ARHGAP22: variants seen among roughly 807,000 people sequenced by gnomAD.
The protein encoded by ARHGAP22 is Rho GTPase activating protein 22.
Under a neutral mutation model 59.1 loss-of-function variants are expected in ARHGAP22, and 48 were observed. The observed-to-expected ratio is 0.81, with a 90% CI of 0.64 to 1.03. ARHGAP22 has a LOEUF of 1.03. ARHGAP22 is among the 50% of genes least tolerant of loss of function. ARHGAP22 has a pLI of 0.00. For synonymous variants in ARHGAP22, 445 were observed against 416.4 expected, an observed-to-expected ratio of 1.07 and a Z score of -0.84; for missense variants, 1,015 against 958.7, an observed-to-expected ratio of 1.06 and a Z score of -0.78.
intron 1 of ARHGAP22, among the ~76,000 whole-genome samples, chr10:48,627,323 C>T (rs2136072441): frequency 6.6e-6 from 1 of 152,310 alleles, no homozygotes; most frequent in East Asian, 1.9e-4. Context: ...GGCCTGGGCA[C>T]CCATTTTCAT....
At chr10:48,644,944 C>G (rs1418511044) in intron 1 of ARHGAP22, among the ~76,000 whole-genome samples, 2 of 151,700 alleles carry the variant, frequency 1.3e-5, no homozygotes, top group East Asian at 1.9e-4. Flanking sequence ...AATCAATGAA[C>G]TAGAAAACAG....
chr10:48,495,900 C>T (rs1309485581), intron 3 of ARHGAP22, among the ~76,000 whole-genome samples: 1 of 152,154 alleles, frequency 6.6e-6, no homozygotes, highest in African/African-American at 2.4e-5. Context: ...CCTCCAGAAA[C>T]AGCCAGCAAG....
intron 3 of ARHGAP22, among the ~76,000 whole-genome samples, chr10:48,554,662 T>TG (rs1262401237): frequency 7.2e-6 from 1 of 138,498 alleles, no homozygotes; most frequent in African/African-American, 2.6e-5. Flanking sequence ...CTCAAGGACT[T>TG]GGGGGGTGGG....
At chr10:48,513,462 G>A (rs190342764) in intron 3 of ARHGAP22, among the ~76,000 whole-genome samples, 12 of 152,280 alleles carry the variant, frequency 7.9e-5, no homozygotes, top group Admixed American at 2.6e-4. Context: ...GGAAGTGTGC[G>A]CCAACACACA....
intron 3 of ARHGAP22, among the ~76,000 whole-genome samples, chr10:48,533,181 GTT>G (rs75585707): frequency 0.037 from 5,228 of 142,358 alleles, 322 homozygotes; most frequent in African/African-American, 0.13. Flanking sequence ...TTGTTCTGTT[GTT>G]TTTTTTTTTT....
the ARHGAP22 span, chr10:48,435,701 A>G: frequency 6.6e-6 from 1 of 152,364 alleles, no homozygotes; most frequent in Non-Finnish European, 1.5e-5. Context: ...CATGTCTTTG[A>G]AGATGCTGGG....
intron 1 of ARHGAP22, among the ~76,000 whole-genome samples, chr10:48,635,339 T>C (rs1420029222): frequency 6.6e-6 from 1 of 152,202 alleles, no homozygotes; most frequent in Non-Finnish European, 1.5e-5. Flanking sequence ...GGGGTTTAGG[T>C]TATAGCTTGA....
intron 1 of ARHGAP22, among the ~76,000 whole-genome samples, chr10:48,610,805 A>C (rs1345898749): frequency 5.3e-5 from 8 of 152,154 alleles, no homozygotes; most frequent in Non-Finnish European, 4.4e-5. Flanking sequence ...TTGTGCAGTC[A>C]TTGGCTTGGA....
At chr10:48,655,250 T>TGGGG (rs2062765523), upstream of ARHGAP22, among the ~76,000 whole-genome samples, 1 of 2,896 alleles carries the variant, frequency 3.5e-4, no homozygotes, top group African/African-American at 1.1e-3. Flanking sequence ...GATGTGTGTG[T>TGGGG]GTGTGTGGGG....
chr10:48,632,561 T>C (rs2061664830), intron 1 of ARHGAP22, among the ~76,000 whole-genome samples: 1 of 152,194 alleles, frequency 6.6e-6, no homozygotes, highest in Non-Finnish European at 1.5e-5. Flanking sequence ...CTCTGTCTTT[T>C]GTTTTCTGCA....
chr10:48,530,236 CAAA>C (rs60902650), intron 3 of ARHGAP22, among the ~76,000 whole-genome samples: 1,086 of 49,006 alleles, frequency 0.022, 9 homozygotes, highest in African/African-American at 0.072. Flanking sequence ...GACTCCATTG[CAAA>C]AAAAAAAAAA....
chr10:48,515,763 T>C (rs1304792291), intron 3 of ARHGAP22, among the ~76,000 whole-genome samples: 2 of 152,074 alleles, frequency 1.3e-5, no homozygotes, highest in Non-Finnish European at 2.9e-5. Flanking sequence ...TAGAAATCAA[T>C]AAAAAAGGAC....
chr10:48,599,749 C>T (rs1564973431), intron 1 of ARHGAP22, among the ~76,000 whole-genome samples: 1 of 152,194 alleles, frequency 6.6e-6, no homozygotes, highest in Non-Finnish European at 1.5e-5. Flanking sequence ...TGCTGCTTGG[C>T]CAGGCTGACT....
intron 9 of ARHGAP22, among the ~76,000 whole-genome samples, chr10:48,447,193 G>A (rs986707819): frequency 6.6e-6 from 1 of 152,218 alleles, no homozygotes; most frequent in African/African-American, 2.4e-5. Context: ...GTGCTCCTCT[G>A]TGCCACCAGA....
At chr10:48,610,342 T>G (rs1236281825) in intron 1 of ARHGAP22, among the ~76,000 whole-genome samples, 1 of 152,088 alleles carries the variant, frequency 6.6e-6, no homozygotes, top group Admixed American at 6.5e-5. Context: ...GCAAGAGAGT[T>G]CAGACCGGAG....
At chr10:48,465,934 T>C (rs576439790) in intron 4 of ARHGAP22, among the ~76,000 whole-genome samples, 245 of 152,266 alleles carry the variant, frequency 1.6e-3, no homozygotes, top group African/African-American at 5.7e-3. Context: ...CGGCCAACTC[T>C]GTCACTTCCA....
At chr10:48,517,401 C>A (rs2053392429) in intron 3 of ARHGAP22, among the ~76,000 whole-genome samples, 1 of 152,162 alleles carries the variant, frequency 6.6e-6, no homozygotes, top group Non-Finnish European at 1.5e-5. Context: ...GGGTTCATTT[C>A]ATTGAGGTGT....
intron 2 of ARHGAP22, among the ~76,000 whole-genome samples, chr10:48,571,563 C>T (rs1372684293): frequency 6.6e-6 from 1 of 152,216 alleles, no homozygotes; most frequent in Non-Finnish European, 1.5e-5. Flanking sequence ...CACCTAATCT[C>T]TTTGTGCCTC....
intron 1 of ARHGAP22, among the ~76,000 whole-genome samples, chr10:48,636,045 C>T (rs2061803139): frequency 6.6e-6 from 1 of 152,146 alleles, no homozygotes; most frequent in Non-Finnish European, 1.5e-5. Flanking sequence ...AGCATCAGGT[C>T]CTTACTCTCT....
Sources: allele counts gnomAD v4.1 joint callset (sites outside exome capture counted in the v4.1 genomes callset), GRCh38; gene constraint gnomAD v4.1.1; transcripts MANE v1.5; gene names NCBI Gene and HGNC (gene_info 2026-07-23, HGNC 2026-07-21).